The following USP36 variants were observed in gnomAD, a reference collection of about 807,000 sequenced individuals.
USP36 encodes the protein ubiquitin specific peptidase 36, also known as ubiquitin carboxyl-terminal hydrolase 36.
In USP36, 59 loss-of-function variants were observed where a neutral mutation model predicts 111.5. The ratio of observed to expected loss-of-function variants is 0.53; its 90% CI spans 0.43 to 0.66. USP36 has a LOEUF of 0.66. Among genes scored for constraint, USP36 ranks in the 30% least tolerant of loss-of-function variants. USP36 has a pLI of 0.00. For synonymous variants in USP36, 628 were observed against 581.0 expected, an observed-to-expected ratio of 1.08 and a Z score of -1.16; for missense variants, 1,488 against 1,468.0, an observed-to-expected ratio of 1.01 and a Z score of -0.22.
intron 4 of USP36, among the ~76,000 whole-genome samples, chr17:78,830,029 G>C (rs1028227026): frequency 6.6e-6 from 1 of 152,200 alleles, no homozygotes; most frequent in Non-Finnish European, 1.5e-5. Flanking sequence ...GTGAGCCATC[G>C]AGCCCAGCCC....
At chr17:78,822,333 G>T (rs2094349353) in intron 6 of USP36, among the ~76,000 whole-genome samples, 1 of 152,044 alleles carries the variant, frequency 6.6e-6, no homozygotes, top group African/African-American at 2.4e-5. Flanking sequence ...TTTTCTTTTT[G>T]GTCTCAATAA....
At chr17:78,788,608 C>G (rs1203322194) in intron 3 of USP36, among the ~76,000 whole-genome samples, 1 of 151,538 alleles carries the variant, frequency 6.6e-6, no homozygotes, top group Non-Finnish European at 1.5e-5. Flanking sequence ...CCCACCCTGA[C>G]CCTGTGTGCT....
In USP36 at chr17:78,803,903, A is replaced by T; in HGVS notation, c.2292T>A (p.Ser764Arg). The T allele has an allele frequency of 2.3e-6, 3 of 1,309,900 alleles. No homozygotes were observed. Among genetic ancestry groups the T allele is most frequent in the South Asian group, 2.3e-5 (2 of 86,154 alleles). The allele number at this position is 1,309,900 out of a possible 1,614,324, so 81.1% of individuals were successfully genotyped here. A position where few individuals can be genotyped will look rare whatever the true frequency, so the allele number is the denominator to read the frequency against. The change falls in exon 16 of 21, where the codon AGT becomes AGA. Residue 764 changes from serine to arginine, a missense_variant. By Grantham distance (110) the Ser-to-Arg change is moderately radical (BLOSUM62 -1). Around this residue, in one of 3 missense-constraint regions of USP36, gnomAD observed 1,073 missense variants for 994.1 expected, o/e 1.08. Coordinates refer to ENST00000449938, the MANE Select transcript of USP36 (RefSeq NM_001385174.1). The surrounding 1 kb of genome is among the most constrained non-coding windows in gnomAD (Gnocchi z 4.6). Reference sequence around the variant, plus strand: ...CTGACGTCCCTGGGGGCTTGGGGGTACTGGACAGCAATGTGGGGTGGGGGC... The same window carrying T: ...CTGACGTCCCTGGGGGCTTGGGGGTTCTGGACAGCAATGTGGGGTGGGGGC... ...PFSPHPTLLS[S>R]TPKPPGTSEP...
intron 18 of USP36, 102 bp from the exon 19 acceptor site, chr17:78,799,125 C>T: frequency 2.5e-6 from 3 of 1,182,616 alleles, no homozygotes; most frequent in Non-Finnish European, 3.7e-6. Flanking sequence ...CATAATTAGT[C>T]AACAATTTTG....
At chr17:78,806,748 T>C (rs545530094) in intron 14 of USP36, among the ~76,000 whole-genome samples, 1 of 152,330 alleles carries the variant, frequency 6.6e-6, no homozygotes, top group Non-Finnish European at 1.5e-5. Context: ...CATCACCAGA[T>C]CAGGGCTCTC....
At chr17:78,812,652 G>T (rs112045226) in intron 13 of USP36, among the ~76,000 whole-genome samples, 1 of 138,428 alleles carries the variant, frequency 7.2e-6, no homozygotes, top group Non-Finnish European at 1.5e-5. Context: ...ATTGGAGATC[G>T]CACCACTGCA....
chr17:78,820,807 A>G (rs532486020), intron 8 of USP36, among the ~76,000 whole-genome samples, 184 bp downstream of exon 8: 20 of 152,336 alleles, frequency 1.3e-4, no homozygotes, highest in African/African-American at 4.6e-4. Flanking sequence ...ATAAAAGGAT[A>G]CGCTTAGGAA....
chr17:78,794,023 C>T (rs777170545), downstream of USP36, among the ~76,000 whole-genome samples: 4 of 152,212 alleles, frequency 2.6e-5, no homozygotes, highest in Non-Finnish European at 5.9e-5. Context: ...GGCCTCCGAA[C>T]CCAACTAACC....
chr17:78,803,722 A>G lies in USP36; in HGVS notation c.2473T>C (p.Ser825Pro), dbSNP rs781347871. Reference sequence around the variant, plus strand: ...ATGTGCTGTGGGAGGCGCGTCTCTGAGCCCAGCCTCTGCGGCTCTCCCACA... The same window carrying G: ...ATGTGCTGTGGGAGGCGCGTCTCTGGGCCCAGCCTCTGCGGCTCTCCCACA... ...TFVGEPQRLG[S>P]ETRLPQHIRE... The change falls in exon 16 of 21, where the codon TCA becomes CCA. Residue 825 changes from serine to proline, a missense_variant. Physicochemically the swap from Ser to Pro is moderately conservative, Grantham distance 74. This residue lies in a region of USP36 where 1,073 missense variants were observed against 994.1 expected (regional missense o/e 1.08). Coordinates refer to ENST00000449938, the MANE Select transcript of USP36 (RefSeq NM_001385174.1). This position sits in a 1 kb window ranked among gnomAD's most constrained non-coding sequence, Gnocchi z 4.6. 5.6e-6 allele frequency: 9 copies of G among 1,611,916 alleles called. No individual in the cohort carries two copies. In the South Asian group the frequency reaches 7.7e-5, roughly 14 times the overall value.
At chr17:78,816,540 C>T (rs1026468353) in intron 10 of USP36, among the ~76,000 whole-genome samples, 14 of 151,848 alleles carry the variant, frequency 9.2e-5, no homozygotes, top group Non-Finnish European at 1.6e-4. Flanking sequence ...GCAGGAGAAT[C>T]GCTTGAACTT....
intron 15 of USP36, among the ~76,000 whole-genome samples, chr17:78,804,475 CAAAAAA>C (rs1488292633): frequency 9.2e-6 from 1 of 108,742 alleles, no homozygotes; most frequent in Non-Finnish European, 1.8e-5. Flanking sequence ...AAAAAAAAAC[CAAAAAA>C]ACAAAAACAA....
At chr17:78,825,266 A>G (rs1308586023) in intron 6 of USP36, among the ~76,000 whole-genome samples, 5 of 152,210 alleles carry the variant, frequency 3.3e-5, no homozygotes, top group Admixed American at 2.6e-4. Flanking sequence ...AAGTTCCATG[A>G]AGTAGAAATA....
At chr17:78,841,361 A>C (rs2069272375), upstream of USP36, 1 of 152,282 alleles carries the variant, frequency 6.6e-6, no homozygotes, top group South Asian at 2.1e-4. Context: ...CACGCGGAGC[A>C]CCTGCAGTTT....
intron 9 of USP36, 101 bp downstream of exon 9, chr17:78,819,829 G>A (rs990859905): frequency 4.2e-5 from 51 of 1,207,298 alleles, no homozygotes; most frequent in Middle Eastern, 2.1e-4. Context: ...TGCGAGCAGC[G>A]GTCACCGCTA....
chr17:78,825,238 C>T lies in USP36; in HGVS notation c.689+2007G>A, dbSNP rs375335757. Among the ~76,000 whole-genome samples the T allele has an allele frequency of 2.6e-5, 4 of 152,166 alleles. No individual in the cohort carries two copies. In the East Asian group the frequency reaches 7.7e-4, roughly 29 times the overall value. On this transcript the variant is annotated intron_variant, in intron 6 of 20. Transcript: ENST00000449938. ...TTCACAAACGCTGGTCACCTATAAT[C>T]ACGGAGAAAACATCAGGAAGTTCCA...
chr17:78,799,634 A>C (rs757078974), intron 18 of USP36, 33 bp downstream of exon 18: 1 of 1,601,094 alleles, frequency 6.2e-7, no homozygotes, highest in Non-Finnish European at 8.5e-7. Flanking sequence ...AACCAATGAA[A>C]GGCAAACAGA....
Position 78,798,401 on chromosome 17 carries a change from T to G in USP36, c.*19A>C, listed in dbSNP as rs1317435692. Reference sequence around the variant, plus strand: ...TACACCCACCCCCTCGGAACCGACCTCCTTCCACAGGGGCACAGTCAGCGG... The same window carrying G: ...TACACCCACCCCCTCGGAACCGACCGCCTTCCACAGGGGCACAGTCAGCGG... On this transcript the variant is annotated splice_region_variant and 3_prime_UTR_variant, in exon 20 of 21. Transcript: ENST00000449938. This position sits in a 1 kb window ranked among gnomAD's most constrained non-coding sequence, Gnocchi z 5.1. 2 of 1,612,618 alleles carry G rather than the reference T, an allele frequency of 1.2e-6. No individual in the cohort carries two copies. The highest frequency in any genetic ancestry group is 2.7e-5 in the African/African-American group (2 of 74,598).
intron 6 of USP36, 44 bp from the exon 7 acceptor site, chr17:78,822,048 T>C (rs759795822): frequency 8.1e-6 from 13 of 1,611,150 alleles, no homozygotes; most frequent in Admixed American, 6.7e-5. Flanking sequence ...CTCAGCAAGA[T>C]GACACGAGGG....
intron 4 of USP36, among the ~76,000 whole-genome samples, chr17:78,829,263 C>G (rs2032736653): frequency 6.6e-6 from 1 of 152,330 alleles, no homozygotes; most frequent in Non-Finnish European, 1.5e-5. Context: ...CAACCTCACA[C>G]CATCACCCCA....
Sources: gnomAD v4.1 joint callset for allele counts (sites outside exome capture counted in the v4.1 genomes callset) on GRCh38, gnomAD v4.1.1 for gene constraint, gnomAD v4.1.1 regional missense constraint, Gnocchi (gnomAD v3.1) non-coding constraint, MANE v1.5 for transcripts, NCBI Gene and HGNC (gene_info 2026-07-23, HGNC 2026-07-21) for gene names.